MAGI2: variants seen among roughly 807,000 people sequenced by gnomAD.
MAGI2 encodes membrane associated guanylate kinase, WW and PDZ domain containing 2, also known as membrane-associated guanylate kinase, WW and PDZ domain-containing protein 2.
MAGI2 carries 35 observed loss-of-function variants against 133.3 expected under a neutral mutation model. That is an observed-to-expected ratio of 0.26 (90% CI 0.20 to 0.35). MAGI2 has a LOEUF of 0.35. Ranked by LOEUF, MAGI2 falls within the 10% of genes least tolerant of loss-of-function variation. The pLI is 1.00. For missense variants in MAGI2, 1,636 were observed against 1,863.4 expected (o/e 0.88, Z 2.25); for synonymous variants, 729 against 710.6 (o/e 1.03, Z -0.41).
At chr7:78,148,928 C>G (rs1823585869) in intron 16 of MAGI2, among the ~76,000 whole-genome samples, 1 of 152,076 alleles carries the variant, frequency 6.6e-6, no homozygotes, top group Non-Finnish European at 1.5e-5. Context: ...GTGAGATCAT[C>G]AGACTCGTCT....
At chr7:79,173,779 T>C (rs1013663217) in intron 1 of MAGI2, among the ~76,000 whole-genome samples, 4 of 152,118 alleles carry the variant, frequency 2.6e-5, no homozygotes, top group African/African-American at 9.7e-5. Context: ...ATTATAAAGC[T>C]GAAGTCATTA....
At chr7:79,359,224 T>C (rs1369658552) in intron 1 of MAGI2, among the ~76,000 whole-genome samples, 1 of 152,102 alleles carries the variant, frequency 6.6e-6, no homozygotes, top group Non-Finnish European at 1.5e-5. Flanking sequence ...TGGATGGACT[T>C]AATAATAGAA....
chr7:78,668,699 T>A (rs113025767), intron 2 of MAGI2, among the ~76,000 whole-genome samples: 2,290 of 152,042 alleles, frequency 0.015, 69 homozygotes, highest in African/African-American at 0.052. Context: ...AATGTAAAAG[T>A]ACGGAAATTA....
intron 1 of MAGI2, among the ~76,000 whole-genome samples, chr7:79,236,162 T>A (rs1831906681): frequency 6.6e-6 from 1 of 152,254 alleles, no homozygotes; most frequent in Admixed American, 6.5e-5. Flanking sequence ...TTCTTTTCCT[T>A]TTGTCTTATC....
intron 6 of MAGI2, among the ~76,000 whole-genome samples, chr7:78,464,702 T>C (rs2151520964): frequency 6.6e-6 from 1 of 151,508 alleles, no homozygotes; most frequent in South Asian, 2.1e-4. Flanking sequence ...AAATCCTAGG[T>C]CAAATACTTT....
chr7:79,004,333 T>C (rs1807212847), intron 2 of MAGI2, among the ~76,000 whole-genome samples: 1 of 152,208 alleles, frequency 6.6e-6, no homozygotes, highest in Admixed American at 6.5e-5. Context: ...GAGATCACTA[T>C]GTTAAATGAA....
At chr7:79,348,587 T>TG (rs1179906421) in intron 1 of MAGI2, among the ~76,000 whole-genome samples, 1 of 151,898 alleles carries the variant, frequency 6.6e-6, no homozygotes, top group East Asian at 1.9e-4. Flanking sequence ...ATTTGTGTGT[T>TG]GAATACTAAT....
intron 1 of MAGI2, among the ~76,000 whole-genome samples, chr7:79,211,548 C>T (rs1048870268): frequency 2.6e-5 from 4 of 151,726 alleles, no homozygotes; most frequent in Non-Finnish European, 5.9e-5. Context: ...CTCACCTTGG[C>T]CTCCCAAAGT....
At chr7:78,746,029 G>A (rs1438931004) in intron 2 of MAGI2, among the ~76,000 whole-genome samples, 2 of 152,136 alleles carry the variant, frequency 1.3e-5, no homozygotes, top group African/African-American at 4.8e-5. Context: ...TCTGAGCTCA[G>A]CTAGGCTGTA....
chr7:78,725,091 A>G (rs549808938), intron 2 of MAGI2, among the ~76,000 whole-genome samples: 39 of 152,338 alleles, frequency 2.6e-4, no homozygotes, highest in African/African-American at 7.0e-4. Flanking sequence ...ACAACGTTGC[A>G]TTTTTAAGCC....
chr7:78,587,596 A>C (rs1035713120), intron 3 of MAGI2, among the ~76,000 whole-genome samples: 7 of 152,234 alleles, frequency 4.6e-5, no homozygotes, highest in Non-Finnish European at 8.8e-5. Context: ...CACTTTATAC[A>C]GTCCAACTGA....
At chr7:79,338,104 T>C (rs1466163847) in intron 1 of MAGI2, among the ~76,000 whole-genome samples, 5 of 152,174 alleles carry the variant, frequency 3.3e-5, no homozygotes, top group Non-Finnish European at 1.5e-5. Flanking sequence ...TTTTGCACTT[T>C]TGGATTTGTA....
chr7:79,197,153 G>A (rs1488803147), intron 1 of MAGI2, among the ~76,000 whole-genome samples: 1 of 151,798 alleles, frequency 6.6e-6, no homozygotes, highest in Non-Finnish European at 1.5e-5. Context: ...CCTGGAGCCT[G>A]TCCTTGTTCT....
At chr7:79,197,967 C>A (rs921130405) in intron 1 of MAGI2, among the ~76,000 whole-genome samples, 1 of 151,818 alleles carries the variant, frequency 6.6e-6, no homozygotes, top group Non-Finnish European at 1.5e-5. Context: ...AGCAAGAGGG[C>A]TGGGGGTGGT....
At chr7:78,975,272 A>G (rs1364715480) in intron 2 of MAGI2, among the ~76,000 whole-genome samples, 2 of 151,812 alleles carry the variant, frequency 1.3e-5, no homozygotes, top group African/African-American at 4.8e-5. Context: ...GATAGACCAC[A>G]TTGTGGGCTA....
At chr7:78,312,528 A>T (rs1020594689) in intron 9 of MAGI2, among the ~76,000 whole-genome samples, 1 of 152,192 alleles carries the variant, frequency 6.6e-6, no homozygotes, top group Non-Finnish European at 1.5e-5. Flanking sequence ...ACAACTCCAC[A>T]AGAAAAAAAT....
At chr7:78,781,398 A>G (rs1826387877) in intron 2 of MAGI2, among the ~76,000 whole-genome samples, 1 of 151,494 alleles carries the variant, frequency 6.6e-6, no homozygotes, top group Non-Finnish European at 1.5e-5. Flanking sequence ...AAAAAAAAAA[A>G]AGAATATAGC....
At chr7:79,283,606 T>C (rs569844478) in intron 1 of MAGI2, among the ~76,000 whole-genome samples, 2 of 152,078 alleles carry the variant, frequency 1.3e-5, no homozygotes, top group South Asian at 4.1e-4. Flanking sequence ...GAATATGTGA[T>C]GCAATTATGG....
At chr7:78,665,173 G>A (rs890213871) in intron 2 of MAGI2, among the ~76,000 whole-genome samples, 7 of 152,048 alleles carry the variant, frequency 4.6e-5, no homozygotes, top group African/African-American at 1.7e-4. Context: ...TCCTAGAGGT[G>A]ATGTTACTAC....
Sources: gnomAD v4.1 joint callset for allele counts (sites outside exome capture counted in the v4.1 genomes callset) on GRCh38, gnomAD v4.1.1 for gene constraint, MANE v1.5 for transcripts, NCBI Gene and HGNC (gene_info 2026-07-23, HGNC 2026-07-21) for gene names.